Variants in GPC6 observed in about 807,000 individuals in gnomAD.
The protein encoded by GPC6 is glypican-6.
A neutral mutation model predicts 55.2 loss-of-function variants in GPC6; 14 were observed. The ratio of observed to expected loss-of-function variants is 0.25; its 90% CI spans 0.17 to 0.40. The LOEUF (loss-of-function observed/expected upper bound fraction) is 0.40, where lower values mean the gene tolerates loss of function less well. GPC6 is among the 10% of genes least tolerant of loss of function. The probability of loss-of-function intolerance (pLI) is 1.00; values close to 1 mark genes in which losing one functional copy is unlikely to be tolerated. For synonymous variants in GPC6, 278 were observed against 259.6 expected (o/e 1.07, Z -0.68); for missense variants, 641 against 708.5 (o/e 0.90, Z 1.08).
chr13:94,227,037 G>A (rs913088649), intron 4 of GPC6, among the ~76,000 whole-genome samples: 9 of 152,146 alleles, frequency 5.9e-5, no homozygotes, highest in African/African-American at 2.2e-4. Context: ...TAAAATGGTG[G>A]AATTCTCTGC....
chr13:94,017,876 C>T (rs1377399608), intron 3 of GPC6, among the ~76,000 whole-genome samples: 9 of 151,980 alleles, frequency 5.9e-5, no homozygotes, highest in African/African-American at 2.2e-4. Context: ...TGGGGTTTCA[C>T]CATCTTGGCT....
At chr13:93,360,634 A>C (rs1881011185) in intron 1 of GPC6, among the ~76,000 whole-genome samples, 2 of 152,210 alleles carry the variant, frequency 1.3e-5, no homozygotes, top group Admixed American at 1.3e-4. Flanking sequence ...GTTTTCTATA[A>C]TTGATGTGTT....
At chr13:93,323,125 C>T (rs1469959126) in intron 1 of GPC6, among the ~76,000 whole-genome samples, 1 of 151,962 alleles carries the variant, frequency 6.6e-6, no homozygotes, top group Non-Finnish European at 1.5e-5. Context: ...GTTTTGGGGA[C>T]CATTGGTAGG....
At chr13:94,230,339 A>G (rs746365033) in intron 4 of GPC6, among the ~76,000 whole-genome samples, 3 of 152,220 alleles carry the variant, frequency 2.0e-5, no homozygotes, top group Admixed American at 1.3e-4. Flanking sequence ...GGGCTTTCCC[A>G]TGACCTCCAC....
At chr13:93,306,857 A>G (rs1878874137) in intron 1 of GPC6, among the ~76,000 whole-genome samples, 1 of 152,048 alleles carries the variant, frequency 6.6e-6, no homozygotes, top group Non-Finnish European at 1.5e-5. Flanking sequence ...GACACAGAGC[A>G]TATTTGTTTT....
Position 93,273,001 on chromosome 13 carries a change from T to C in GPC6, c.160+45385T>C, listed in dbSNP as rs929566316. ...TGTAGGACAAAGGAAAAATAGGCAG[T>C]GTTTAAGGAAAAGAAGTTTTTTACC... On this transcript the variant is annotated intron_variant, in intron 1 of 8. Coordinates refer to ENST00000377047, the MANE Select transcript of GPC6 (RefSeq NM_005708.5). 2.6e-5 allele frequency among the ~76,000 whole-genome samples: 4 copies of C among 152,296 alleles called. No homozygotes were observed. The East Asian group carries it at 7.7e-4, about 29-fold the overall frequency.
chr13:93,666,977 G>A (rs1407096940), intron 2 of GPC6, among the ~76,000 whole-genome samples: 2 of 151,922 alleles, frequency 1.3e-5, no homozygotes, highest in Admixed American at 6.6e-5. Flanking sequence ...GAATAATGTT[G>A]CTACAGTATT....
intron 1 of GPC6, among the ~76,000 whole-genome samples, chr13:93,355,203 T>A (rs1880802762): frequency 1.3e-5 from 2 of 152,200 alleles, no homozygotes; most frequent in Admixed American, 1.3e-4. Flanking sequence ...TTGACTTAAG[T>A]ACTTATTGTA....
intron 2 of GPC6, among the ~76,000 whole-genome samples, chr13:93,631,776 C>T (rs1879451643): frequency 6.6e-6 from 1 of 152,176 alleles, no homozygotes; most frequent in Non-Finnish European, 1.5e-5. Flanking sequence ...CTTCCTCAAA[C>T]TCAGAAGTTA....
chr13:94,098,489 T>C (rs1447483209), intron 4 of GPC6, among the ~76,000 whole-genome samples: 1 of 152,222 alleles, frequency 6.6e-6, no homozygotes, highest in Non-Finnish European at 1.5e-5. Flanking sequence ...TCTTTTGCTA[T>C]CTACCAGAGC....
intron 6 of GPC6, among the ~76,000 whole-genome samples, chr13:94,353,813 T>C (rs969501911): frequency 3.3e-5 from 5 of 152,224 alleles, no homozygotes; most frequent in African/African-American, 9.6e-5. Context: ...TCTGCCATTC[T>C]TGCTTCAATA....
chr13:94,023,197 C>T (rs1278217794), intron 3 of GPC6, among the ~76,000 whole-genome samples: 1 of 151,688 alleles, frequency 6.6e-6, no homozygotes, highest in African/African-American at 2.4e-5. Context: ...CCACATAAGC[C>T]CTCTAAGCTT....
chr13:93,973,494 A>C (rs1422210608), intron 3 of GPC6, among the ~76,000 whole-genome samples: 1 of 152,048 alleles, frequency 6.6e-6, no homozygotes, highest in Non-Finnish European at 1.5e-5. Flanking sequence ...TGATACAGTT[A>C]ATTAAGCCAA....
At chr13:94,046,394 G>T (rs1483487034) in intron 4 of GPC6, among the ~76,000 whole-genome samples, 1 of 152,046 alleles carries the variant, frequency 6.6e-6, no homozygotes, top group Non-Finnish European at 1.5e-5. Context: ...CTTACAAGAA[G>T]ACCTCACTAT....
Position 93,666,988 on chromosome 13 carries a change from C to G in GPC6, c.319+121567C>G, listed in dbSNP as rs1247878157. On this transcript the variant is annotated intron_variant, in intron 2 of 8. Transcript: ENST00000377047. ...TATGGAATAATGTTGCTACAGTATT[C>G]AAAATAACTTTTTTTTTGGAACAAT... is the stretch of plus-strand genomic sequence containing the variant. Among the ~76,000 whole-genome samples the G allele has an allele frequency of 2.6e-5, 4 of 151,816 alleles. No individual in the cohort carries two copies. The East Asian group carries it at 7.8e-4, about 29-fold the overall frequency.
chr13:93,957,875 A>G (rs1164619591), intron 3 of GPC6, among the ~76,000 whole-genome samples: 1 of 151,772 alleles, frequency 6.6e-6, no homozygotes, highest in Non-Finnish European at 1.5e-5. Context: ...GTGCAGCCTC[A>G]ATTATATTTG....
At chr13:93,643,301 T>C (rs1477204094) in intron 2 of GPC6, among the ~76,000 whole-genome samples, 1 of 152,060 alleles carries the variant, frequency 6.6e-6, no homozygotes, top group Non-Finnish European at 1.5e-5. Flanking sequence ...CTCTATTGCC[T>C]TAGGCAGAGT....
intron 3 of GPC6, among the ~76,000 whole-genome samples, chr13:93,883,169 G>A (rs912359526): frequency 6.6e-6 from 1 of 150,622 alleles, no homozygotes; most frequent in South Asian, 2.1e-4. Flanking sequence ...CTTTTTGTCT[G>A]GTAGCAAAAA....
intron 6 of GPC6, among the ~76,000 whole-genome samples, chr13:94,368,868 A>G (rs1172169484): frequency 6.6e-6 from 1 of 152,218 alleles, no homozygotes; most frequent in Admixed American, 6.5e-5. Flanking sequence ...TCTCTAGAGT[A>G]AAGCTGGATG....
Sources: allele counts gnomAD v4.1 joint callset (sites outside exome capture counted in the v4.1 genomes callset), GRCh38; gene constraint gnomAD v4.1.1; transcripts MANE v1.5; gene names NCBI Gene and HGNC (gene_info 2026-07-23, HGNC 2026-07-21).